The following TINAG variants were observed in gnomAD, a reference collection of about 807,000 sequenced individuals.
TINAG encodes tubulointerstitial nephritis antigen.
A neutral mutation model predicts 72.7 loss-of-function variants in TINAG; 83 were observed. The observed-to-expected ratio is 1.14, with a 90% CI of 0.96 to 1.37. The LOEUF (loss-of-function observed/expected upper bound fraction) is 1.37, where lower values mean the gene tolerates loss of function less well. TINAG is among the 40% of genes most tolerant of loss of function. TINAG has a pLI of 0.00. For synonymous variants in TINAG, 234 were observed against 189.9 expected (o/e 1.23, Z -1.91); for missense variants, 685 against 576.6 (o/e 1.19, Z -1.93).
rs138229585 is a variant in TINAG, at chr6:54,384,255, T to C, written c.1296+3684T>C. Among the ~76,000 whole-genome samples, 567 of 152,134 alleles carry C rather than the reference T, an allele frequency of 3.7e-3. 7 individuals carry two copies. The highest frequency in any genetic ancestry group is 0.012 in the African/African-American group (511 of 41,496). On this transcript the variant is annotated intron_variant, in intron 10 of 10. Coordinates refer to ENST00000259782, the MANE Select transcript of TINAG (RefSeq NM_014464.4). ...CATTAGGAGAAATACCTAATGTAGA[T>C]GATGAGTTGATGGGTGCAGAAAACC...
intron 3 of TINAG, among the ~76,000 whole-genome samples, chr6:54,323,895 A>G (rs867670311): frequency 6.6e-6 from 1 of 152,190 alleles, no homozygotes; most frequent in African/African-American, 2.4e-5. Flanking sequence ...TGAAGGTTGC[A>G]GTGAGCTGAG....
intron 9 of TINAG, among the ~76,000 whole-genome samples, chr6:54,373,568 C>A (rs554985076): frequency 3.9e-4 from 60 of 152,214 alleles, no homozygotes; most frequent in East Asian, 5.8e-4. Flanking sequence ...GCCTCAGTCC[C>A]TTTATCTATG....
At chr6:54,379,676 T>C (rs945796271) in intron 9 of TINAG, among the ~76,000 whole-genome samples, 2 of 152,158 alleles carry the variant, frequency 1.3e-5, no homozygotes, top group Non-Finnish European at 2.9e-5. Context: ...TGGTAGAGTT[T>C]CAAGGGGCTA....
intron 4 of TINAG, among the ~76,000 whole-genome samples, chr6:54,340,729 G>A (rs1373933580): frequency 6.6e-6 from 1 of 152,106 alleles, no homozygotes; most frequent in African/African-American, 2.4e-5. Context: ...CTGGCTTAGT[G>A]GATTGGTAAA....
intron 10 of TINAG, among the ~76,000 whole-genome samples, chr6:54,380,878 C>A (rs1173406390): frequency 6.7e-6 from 1 of 150,220 alleles, no homozygotes; most frequent in Non-Finnish European, 1.5e-5. Flanking sequence ...ATCAAACTTC[C>A]CTCATATATA....
At chr6:54,313,384 A>C (rs1194331350) in intron 1 of TINAG, among the ~76,000 whole-genome samples, 2 of 152,160 alleles carry the variant, frequency 1.3e-5, no homozygotes, top group Non-Finnish European at 2.9e-5. Flanking sequence ...CAGAACCTGC[A>C]CATAGTACAT....
In TINAG at chr6:54,308,888, A is replaced by G; in HGVS notation, c.338A>G (p.Gln113Arg). The G allele has an allele frequency of 6.2e-7, 1 of 1,610,468 alleles. No individual in the cohort carries two copies. The highest frequency in any genetic ancestry group is 1.7e-5 in the Admixed American group (1 of 59,802). The change falls in exon 1 of 11, where the codon CAG becomes CGG. Residue 113 changes from glutamine (Q) to arginine (R), a missense_variant. Gln to Arg is a conservative substitution (Grantham distance 43, BLOSUM62 1). Transcript: ENST00000259782. ...GAGAAAGAATGGCCTCCTCACACAC[A>G]GCCTTGGTATCCAGAAGGTAGGCTT... ...REEKEWPPHT[Q>R]PWYPEGCFKD...
chr6:54,338,438 T>TC (rs1289653030), intron 4 of TINAG, among the ~76,000 whole-genome samples: 1 of 151,828 alleles, frequency 6.6e-6, no homozygotes, highest in Non-Finnish European at 1.5e-5. Flanking sequence ...AAACACTAGT[T>TC]TGGCCGGGAG....
intron 1 of TINAG, among the ~76,000 whole-genome samples, chr6:54,310,537 GTCTC>G (rs1784219482): frequency 8.4e-6 from 1 of 119,006 alleles, no homozygotes; most frequent in Non-Finnish European, 1.7e-5. Flanking sequence ...TTCTCTCTCT[GTCTC>G]TCTCCCCTTC....
intron 9 of TINAG, among the ~76,000 whole-genome samples, chr6:54,372,771 TAC>T (rs1307007310): frequency 4.3e-5 from 6 of 140,094 alleles, no homozygotes; most frequent in African/African-American, 5.2e-5. Flanking sequence ...TATATATATA[TAC>T]ACACACACAC....
At chr6:54,356,067 T>A (rs1763028371) in intron 9 of TINAG, among the ~76,000 whole-genome samples, 1 of 151,906 alleles carries the variant, frequency 6.6e-6, no homozygotes. Flanking sequence ...CTGAATAGTT[T>A]TAATTACTCA....
chr6:54,344,289 CA>C (rs1394358473), intron 5 of TINAG, among the ~76,000 whole-genome samples: 3 of 152,156 alleles, frequency 2.0e-5, no homozygotes, highest in African/African-American at 7.2e-5. Flanking sequence ...ATCAATCAGA[CA>C]ACTCCAGAAA....
At chr6:54,323,646 G>A (rs1321454646) in intron 3 of TINAG, among the ~76,000 whole-genome samples, 2 of 152,110 alleles carry the variant, frequency 1.3e-5, no homozygotes, top group Non-Finnish European at 2.9e-5. Flanking sequence ...CTGATGGCAT[G>A]GCTGAGGATA....
intron 8 of TINAG, among the ~76,000 whole-genome samples, chr6:54,352,691 C>A (rs780215985): frequency 6.6e-5 from 10 of 151,602 alleles, no homozygotes; most frequent in Non-Finnish European, 1.5e-4. Flanking sequence ...CTTTCAGAAT[C>A]TTCAAGTTGT....
intron 4 of TINAG, among the ~76,000 whole-genome samples, chr6:54,340,850 C>T (rs572467060): frequency 4.6e-5 from 7 of 152,010 alleles, no homozygotes; most frequent in Non-Finnish European, 7.4e-5. Context: ...ATCATAAAAG[C>T]GACAAATGCA....
At chr6:54,316,346 T>G (rs1784372552) in intron 1 of TINAG, among the ~76,000 whole-genome samples, 1 of 152,174 alleles carries the variant, frequency 6.6e-6, no homozygotes, top group Non-Finnish European at 1.5e-5. Context: ...AAAAAAATTA[T>G]AATTTAACCA....
chr6:54,323,104 A>C (rs1383803778), intron 3 of TINAG, among the ~76,000 whole-genome samples: 1 of 152,198 alleles, frequency 6.6e-6, no homozygotes, highest in African/African-American at 2.4e-5. Context: ...GGAAGGAGGA[A>C]CTTTCTTTCC....
chr6:54,382,109 A>G (rs1445797496), intron 10 of TINAG, among the ~76,000 whole-genome samples: 1 of 152,216 alleles, frequency 6.6e-6, no homozygotes, highest in East Asian at 1.9e-4. Context: ...TGTTGTACTT[A>G]CTATCGATTC....
At chr6:54,341,502 T>G (rs1335004260) in intron 4 of TINAG, among the ~76,000 whole-genome samples, 1 of 152,170 alleles carries the variant, frequency 6.6e-6, no homozygotes, top group Non-Finnish European at 1.5e-5. Flanking sequence ...GCAATGGACC[T>G]CAGGATACAA....
Sources: allele counts gnomAD v4.1 joint callset (sites outside exome capture counted in the v4.1 genomes callset), GRCh38; gene constraint gnomAD v4.1.1; transcripts MANE v1.5; gene names NCBI Gene and HGNC (gene_info 2026-07-23, HGNC 2026-07-21).